The following FFAR4 variants were observed in gnomAD, a reference collection of about 807,000 sequenced individuals.
FFAR4 encodes the protein G-protein coupled receptor 120.
In FFAR4, 19 loss-of-function variants were observed where a neutral mutation model predicts 27.0. The observed-to-expected ratio is 0.70, with a 90% CI of 0.49 to 1.03. The LOEUF (loss-of-function observed/expected upper bound fraction) is 1.03. FFAR4 is among the 50% of genes least tolerant of loss of function. The pLI is 0.00. For missense variants in FFAR4, 476 were observed against 479.0 expected (o/e 0.99, Z 0.06); for synonymous variants, 254 against 215.6 (o/e 1.18, Z -1.56).
chr10:93,587,176 C>T (rs774395988), intron 2 of FFAR4, 44 bp from the exon 3 acceptor site: 3 of 1,556,444 alleles, frequency 1.9e-6, no homozygotes, highest in East Asian at 4.5e-5. Context: ...TCCCCAACAA[C>T]CCTCGGTCAC....
intron 1 of FFAR4, 146 bp from the exon 2 acceptor site, chr10:93,575,945 G>C: frequency 1.4e-6 from 1 of 702,262 alleles, no homozygotes. Context: ...GGTGGGCAGT[G>C]GGAGGGATTC....
intron 2 of FFAR4, among the ~76,000 whole-genome samples, chr10:93,576,757 A>G (rs1440944584): frequency 6.6e-6 from 1 of 152,108 alleles, no homozygotes. Context: ...CTAACTCATT[A>G]TTTTTAGTGG....
At chr10:93,570,111 T>C (rs1179212424) in intron 1 of FFAR4, among the ~76,000 whole-genome samples, 6 of 151,552 alleles carry the variant, frequency 4.0e-5, no homozygotes, top group African/African-American at 1.2e-4. Flanking sequence ...CCTTTCTGGC[T>C]CTCCATCTTC....
At chr10:93,584,650 C>T (rs2058217076) in intron 2 of FFAR4, among the ~76,000 whole-genome samples, 1 of 152,140 alleles carries the variant, frequency 6.6e-6, no homozygotes, top group Non-Finnish European at 1.5e-5. Context: ...CTGCACAGAG[C>T]AAGCAGCCAC....
chr10:93,578,429 A>AC (rs1277339747), intron 2 of FFAR4, among the ~76,000 whole-genome samples: 1 of 150,018 alleles, frequency 6.7e-6, no homozygotes, highest in African/African-American at 2.5e-5. Flanking sequence ...AAAAAAAAAA[A>AC]AAAAAAAAAA....
intron 2 of FFAR4, among the ~76,000 whole-genome samples, chr10:93,579,934 A>G (rs1301293724): frequency 3.3e-5 from 5 of 152,256 alleles, no homozygotes; most frequent in African/African-American, 1.2e-4. Flanking sequence ...GAAAGAGCAG[A>G]TATGATAATG....
rs1393927189 is a variant in FFAR4, at chr10:93,589,866, A to G, written c.*2257A>G. 1 of 152,196 alleles carries G rather than the reference A, an allele frequency of 6.6e-6. No homozygotes were observed. Among genetic ancestry groups the G allele is most frequent in the African/African-American group, 2.4e-5 (1 of 41,458 alleles). 9.4% of individuals were successfully genotyped at this position (152,196 alleles called of 1,614,324 possible). A position where few individuals can be genotyped will look rare whatever the true frequency, so the allele number is the denominator to read the frequency against. On this transcript the variant is annotated 3_prime_UTR_variant, in exon 3 of 3. Transcript: ENST00000371481. ...GCCAGTGGCTGGAATGCACAGCAGCACGGGGCCTGGTGTATAGTAGGTGTT... is the reference window on the plus strand; with the variant it reads ...GCCAGTGGCTGGAATGCACAGCAGCGCGGGGCCTGGTGTATAGTAGGTGTT...
chr10:93,571,616 G>A (rs577714174), intron 1 of FFAR4, among the ~76,000 whole-genome samples: 4 of 152,296 alleles, frequency 2.6e-5, no homozygotes, highest in African/African-American at 7.2e-5. Context: ...TCATGTGAAC[G>A]TTCATGTGTC....
At chr10:93,576,317 C>T in intron 2 of FFAR4, 98 bp downstream of exon 2, 2 of 1,245,046 alleles carry the variant, frequency 1.6e-6, no homozygotes, top group Non-Finnish European at 2.3e-6. Flanking sequence ...CCTAAGAGTT[C>T]ACGCCAGCTC....
chr10:93,584,115 G>C (rs935144190), intron 2 of FFAR4, among the ~76,000 whole-genome samples: 1 of 152,206 alleles, frequency 6.6e-6, no homozygotes, highest in Admixed American at 6.5e-5. Context: ...AACAGCCAAG[G>C]CAGCTTCCTT....
chr10:93,568,806 T>C (rs1369015362), intron 1 of FFAR4, among the ~76,000 whole-genome samples: 1 of 152,112 alleles, frequency 6.6e-6, no homozygotes, highest in Non-Finnish European at 1.5e-5. Context: ...TGGAATACAT[T>C]GTGGGGTGTT....
chr10:93,580,963 T>C (rs1298743617), intron 2 of FFAR4, among the ~76,000 whole-genome samples: 1 of 152,246 alleles, frequency 6.6e-6, no homozygotes, highest in Admixed American at 6.5e-5. Flanking sequence ...CTGTCACCAC[T>C]GTTTGGGGCT....
At chr10:93,583,394 T>C (rs971023616) in intron 2 of FFAR4, among the ~76,000 whole-genome samples, 1 of 143,928 alleles carries the variant, frequency 6.9e-6, no homozygotes, top group Non-Finnish European at 1.5e-5. Flanking sequence ...TCAGCCTGGG[T>C]GACAGAGCGA....
At chr10:93,576,290 T>A (rs1038484242) in intron 2 of FFAR4, 71 bp downstream of exon 2, 8 of 1,564,204 alleles carry the variant, frequency 5.1e-6, no homozygotes, top group Non-Finnish European at 7.0e-6. Flanking sequence ...AATCTTAGAA[T>A]TTGGGGTCGG....
At chr10:93,576,420 A>G (rs543458839) in intron 2 of FFAR4, among the ~76,000 whole-genome samples, 6 of 152,376 alleles carry the variant, frequency 3.9e-5, no homozygotes, top group Admixed American at 1.3e-4. Context: ...GCTCATCACT[A>G]AAGTAATACT....
At position 93,587,741 on chromosome 10, in the gene FFAR4, G is replaced by A. The variant is rs1275498802; in HGVS notation, c.*132G>A. 41 of 880,674 alleles carry A rather than the reference G, an allele frequency of 4.7e-5. No individual in the cohort carries two copies. Among genetic ancestry groups the A allele is most frequent in the South Asian group, 1.4e-4 (8 of 58,840 alleles). 54.6% of individuals were successfully genotyped at this position (880,674 alleles called of 1,614,324 possible). A position where few individuals can be genotyped will look rare whatever the true frequency, so the allele number is the denominator to read the frequency against. ...ACCTATGCAAATAGACATCCACAGC[G>A]TCGGTAAATTAAGGGGTGATCACCA... is the stretch of plus-strand genomic sequence containing the variant. On this transcript the variant is annotated 3_prime_UTR_variant, in exon 3 of 3. Transcript: ENST00000371481.
At chr10:93,583,177 T>C (rs11187522) in intron 2 of FFAR4, among the ~76,000 whole-genome samples, 12,054 of 141,402 alleles carry the variant, frequency 0.085, 541 homozygotes, top group Middle Eastern at 0.1. Flanking sequence ...CCAAGGCGGG[T>C]GGATCACGAG....
intron 1 of FFAR4, among the ~76,000 whole-genome samples, chr10:93,570,666 T>C (rs1429089602): frequency 6.6e-6 from 1 of 152,150 alleles, no homozygotes; most frequent in Non-Finnish European, 1.5e-5. Context: ...CCCAAGAGCC[T>C]TCCTGAAACA....
At position 93,587,686 on chromosome 10, in the gene FFAR4, C is replaced by A; in HGVS notation, c.*77C>A. 1 of 1,368,386 alleles carries A rather than the reference C, an allele frequency of 7.3e-7. No homozygotes were observed. The highest frequency in any genetic ancestry group is 1.4e-5 in the African/African-American group (1 of 69,482). The allele number at this position is 1,368,386 out of a possible 1,614,324, so 84.8% of individuals were successfully genotyped here. On this transcript the variant is annotated 3_prime_UTR_variant, in exon 3 of 3. Coordinates refer to ENST00000371481, the MANE Select transcript of FFAR4 (RefSeq NM_001195755.2). ...AAACAGAGTTCATTTCCAGTACCCTCCATCAGTGCACCCTGCTTTAAGAAA... is the reference window on the plus strand; with the variant it reads ...AAACAGAGTTCATTTCCAGTACCCTACATCAGTGCACCCTGCTTTAAGAAA...
Sources: gnomAD v4.1 joint callset for allele counts (sites outside exome capture counted in the v4.1 genomes callset) on GRCh38, gnomAD v4.1.1 for gene constraint, MANE v1.5 for transcripts, NCBI Gene and HGNC (gene_info 2026-07-23, HGNC 2026-07-21) for gene names.